Variants in PJA2 observed in about 807,000 individuals in gnomAD.
PJA2 encodes E3 ubiquitin-protein ligase Praja-2.
A neutral mutation model predicts 69.3 loss-of-function variants in PJA2; 25 were observed. That is an observed-to-expected ratio of 0.36 (90% CI 0.26 to 0.50). The LOEUF is 0.50. Among genes scored for constraint, PJA2 ranks in the 20% least tolerant of loss-of-function variants. PJA2 has a pLI of 0.96. For missense variants in PJA2, 809 were observed against 830.2 expected (o/e 0.97, Z 0.31); for synonymous variants, 308 against 277.8 (o/e 1.11, Z -1.08).
chr5:109,354,036 TATCTATA>T (rs1762342218), intron 7 of PJA2, among the ~76,000 whole-genome samples: 2 of 144,206 alleles, frequency 1.4e-5, no homozygotes, highest in African/African-American at 5.2e-5. Context: ...TATCTAGAGA[TATCTATA>T]GATTAGATAT....
chr5:109,401,934 G>A (rs1180746084), intron 1 of PJA2, among the ~76,000 whole-genome samples: 3 of 152,074 alleles, frequency 2.0e-5, no homozygotes, highest in African/African-American at 7.2e-5. Context: ...ATTTGTAAAA[G>A]GTAAAACAGT....
intron 4 of PJA2, among the ~76,000 whole-genome samples, chr5:109,377,083 A>G (rs949035396): frequency 6.6e-6 from 1 of 152,160 alleles, no homozygotes; most frequent in South Asian, 2.1e-4. Context: ...TTACTTACTA[A>G]CCCTTAAAGT....
In PJA2 at chr5:109,362,943, T is replaced by C. The variant is rs201792242; in HGVS notation, c.1549A>G (p.Asn517Asp). Reference sequence around the variant, plus strand: ...TGTGCAAATTCATTGGCAGGTTCATTTCCCTCATCACTGCTGCTTTCATTG... The same window carrying C: ...TGTGCAAATTCATTGGCAGGTTCATCTCCCTCATCACTGCTGCTTTCATTG... ...EVNESSSDEGNEPANEFAQPA... is the reference protein window; with the variant it reads ...EVNESSSDEGDEPANEFAQPA... The change falls in exon 6 of 10, where the codon AAT becomes GAT. Residue 517 changes from asparagine to aspartate, a missense_variant. Physicochemically the swap from Asn to Asp is conservative, Grantham distance 23. Transcript: ENST00000361189. 4.3e-6 allele frequency: 7 copies of C among 1,613,848 alleles called. No individual in the cohort carries two copies. The highest frequency in any genetic ancestry group is 5.9e-6 in the Non-Finnish European group (7 of 1,179,880).
chr5:109,408,656 A>T (rs1275358286), intron 1 of PJA2, among the ~76,000 whole-genome samples: 3 of 152,250 alleles, frequency 2.0e-5, no homozygotes, highest in Non-Finnish European at 4.4e-5. Context: ...GAAAAGAAAT[A>T]TTTAAATTTT....
In PJA2 at chr5:109,397,356, T is replaced by C. The variant is rs190617739; in HGVS notation, c.-88+12486A>G. Among the ~76,000 whole-genome samples the C allele has an allele frequency of 1.1e-3, 160 of 152,298 alleles. 2 individuals are homozygous for C. Among genetic ancestry groups the C allele is most frequent in the African/African-American group, 3.7e-3 (155 of 41,562 alleles). On this transcript the variant is annotated intron_variant, in intron 1 of 9. Transcript: ENST00000361189. The stretch of plus-strand genomic sequence containing the variant: ...ACAGTAAACAGCTATAAAAAGTTAA[T>C]TTTAGAAATGCACCACTTGTAGGAG...
At chr5:109,377,943 T>C (rs995985141) in intron 4 of PJA2, among the ~76,000 whole-genome samples, 1 of 152,236 alleles carries the variant, frequency 6.6e-6, no homozygotes, top group Non-Finnish European at 1.5e-5. Flanking sequence ...TACCATGAAC[T>C]AGCATCTCTA....
intron 1 of PJA2, among the ~76,000 whole-genome samples, chr5:109,403,033 A>G (rs1271160984): frequency 6.6e-6 from 1 of 152,050 alleles, no homozygotes; most frequent in Non-Finnish European, 1.5e-5. Flanking sequence ...AATAGTAAGA[A>G]GCAGAAATCA....
At chr5:109,343,827 G>A (rs567130475) in intron 9 of PJA2, among the ~76,000 whole-genome samples, 36 of 152,284 alleles carry the variant, frequency 2.4e-4, no homozygotes, top group Non-Finnish European at 4.4e-4. Context: ...TGGGCGTGGT[G>A]GCTCATGCCT....
At chr5:109,353,657 C>A (rs1331204317) in intron 7 of PJA2, among the ~76,000 whole-genome samples, 1 of 145,470 alleles carries the variant, frequency 6.9e-6, no homozygotes, top group South Asian at 2.3e-4. Flanking sequence ...ATATTAGATA[C>A]CTATTATATC....
intron 1 of PJA2, among the ~76,000 whole-genome samples, chr5:109,403,764 T>TAA (rs35384937): frequency 3.6e-5 from 5 of 138,202 alleles, no homozygotes; most frequent in Admixed American, 7.2e-5. Context: ...ACTCATGATT[T>TAA]AAAAAAAAAA....
intron 4 of PJA2, among the ~76,000 whole-genome samples, chr5:109,370,370 T>C (rs898409392): frequency 1.4e-4 from 22 of 152,216 alleles, no homozygotes; most frequent in Non-Finnish European, 3.2e-4. Context: ...CAGTTAGTGA[T>C]TTCCTTTATT....
chr5:109,340,327 G>T (rs1393246747), intron 9 of PJA2, among the ~76,000 whole-genome samples: 1 of 151,914 alleles, frequency 6.6e-6, no homozygotes, highest in Non-Finnish European at 1.5e-5. Context: ...ATTTTAAGTG[G>T]AATTTTGAGA....
chr5:109,340,472 A>C (rs182613756), intron 9 of PJA2, among the ~76,000 whole-genome samples: 2 of 152,048 alleles, frequency 1.3e-5, no homozygotes, highest in South Asian at 2.1e-4. Flanking sequence ...TGTATTCCTA[A>C]GTAGATAATT....
At chr5:109,398,767 A>T (rs905599191) in intron 1 of PJA2, among the ~76,000 whole-genome samples, 1 of 151,724 alleles carries the variant, frequency 6.6e-6, no homozygotes, top group Non-Finnish European at 1.5e-5. Flanking sequence ...CCTAGAATTT[A>T]AAGTATAATT....
intron 1 of PJA2, among the ~76,000 whole-genome samples, chr5:109,405,852 A>T (rs1022151375): frequency 1.3e-5 from 2 of 152,160 alleles, no homozygotes; most frequent in African/African-American, 4.8e-5. Context: ...ACACAGAAGC[A>T]CAAATCATAA....
chr5:109,378,511 G>C lies in PJA2; in HGVS notation c.976C>G (p.Gln326Glu). The C allele has an allele frequency of 6.2e-7, 1 of 1,614,138 alleles. No homozygotes were observed. Among genetic ancestry groups the C allele is most frequent in the Non-Finnish European group, 8.5e-7 (1 of 1,180,002 alleles). The change falls in exon 4 of 10, where the codon CAG becomes GAG. Residue 326 changes from glutamine to glutamate, a missense_variant. This residue lies in a region of PJA2 where 700 missense variants were observed against 639.5 expected (regional missense o/e 1.09). Transcript: ENST00000361189. Reference sequence around the variant, plus strand: ...TTAAAACCTGTTTCTTGGTCCACCTGGCTTGAACTTATCAGTTTTCTAACT... The same window carrying C: ...TTAAAACCTGTTTCTTGGTCCACCTCGCTTGAACTTATCAGTTTTCTAACT... ...PKVRKLISSS[Q>E]VDQETGFNRH...
chr5:109,399,010 G>A (rs1041330411), intron 1 of PJA2, among the ~76,000 whole-genome samples: 1 of 151,912 alleles, frequency 6.6e-6, no homozygotes, highest in East Asian at 1.9e-4. Context: ...TCAGGAGTTC[G>A]AGACCAGCCT....
intron 6 of PJA2, among the ~76,000 whole-genome samples, chr5:109,360,705 A>T (rs1392931532): frequency 6.6e-6 from 1 of 152,256 alleles, no homozygotes; most frequent in African/African-American, 2.4e-5. Flanking sequence ...ATTTAAAAAA[A>T]ACTATTTGAA....
chr5:109,406,712 T>C (rs1747700222), intron 1 of PJA2, among the ~76,000 whole-genome samples: 1 of 152,156 alleles, frequency 6.6e-6, no homozygotes. Context: ...TCAAAATAAA[T>C]GAATGTTCAT....
Sources: gnomAD v4.1 joint callset for allele counts (sites outside exome capture counted in the v4.1 genomes callset) on GRCh38, gnomAD v4.1.1 for gene constraint, gnomAD v4.1.1 regional missense constraint, MANE v1.5 for transcripts, NCBI Gene and HGNC (gene_info 2026-07-23, HGNC 2026-07-21) for gene names.